Variants in DOK5 observed in about 807,000 individuals in gnomAD.
DOK5 encodes the protein downstream of tyrosine kinase 5.
DOK5 carries 27 observed loss-of-function variants against 43.3 expected under a neutral mutation model. The observed-to-expected ratio is 0.62, with a 90% CI of 0.46 to 0.86. The LOEUF (loss-of-function observed/expected upper bound fraction) is 0.86, where lower values mean the gene tolerates loss of function less well. Ranked by LOEUF, DOK5 falls within the 40% of genes least tolerant of loss-of-function variation. DOK5 has a pLI of 0.00. For missense variants in DOK5, 373 were observed against 392.9 expected (o/e 0.95, Z 0.43); for synonymous variants, 146 against 140.1 (o/e 1.04, Z -0.30).
At chr20:54,605,835 A>G (rs1208949806) in intron 5 of DOK5, among the ~76,000 whole-genome samples, 2 of 152,260 alleles carry the variant, frequency 1.3e-5, no homozygotes, top group East Asian at 3.8e-4. Context: ...ATTCTGGTAA[A>G]GTAATGGAAG....
chr20:54,644,714 A>AAAACC (rs1555839810), intron 7 of DOK5, among the ~76,000 whole-genome samples: 5 of 134,266 alleles, frequency 3.7e-5, no homozygotes. Flanking sequence ...TCAAAAAAAA[A>AAAACC]AAAAAAAAAA....
rs1321685949 is a variant in DOK5 at position 54,573,686 on chromosome 20, CAAAAAAAAAA to C, written c.175-14783_175-14774del. 1.2e-4 allele frequency among the ~76,000 whole-genome samples: 6 copies of C among 50,960 alleles called. No individual in the cohort carries two copies. In the South Asian group the frequency reaches 5.4e-3, roughly 46 times the overall value. The allele number at this position is 50,960 out of a possible 152,430, so 33.4% of individuals were successfully genotyped here. A position where few individuals can be genotyped will look rare whatever the true frequency, so the allele number is the denominator to read the frequency against. ...TGGGTTATAGAGGGAGACTCCATCTCAAAAAAAAAAAAAAAAAAAAAAAGGATAATAACGT... is the reference window on the plus strand; with the variant it reads ...TGGGTTATAGAGGGAGACTCCATCTCAAAAAAAAAAAAAGGATAATAACGT... On this transcript the variant is annotated intron_variant, in intron 2 of 7. Transcript: ENST00000262593.
chr20:54,541,561 G>A (rs974791211), intron 1 of DOK5, among the ~76,000 whole-genome samples: 3 of 151,890 alleles, frequency 2.0e-5, no homozygotes, highest in Non-Finnish European at 2.9e-5. Context: ...TCAGCCTCCC[G>A]AGTAGCTGGG....
At chr20:54,509,891 C>G (rs552511660) in intron 1 of DOK5, among the ~76,000 whole-genome samples, 1 of 149,074 alleles carries the variant, frequency 6.7e-6, no homozygotes, top group East Asian at 2.0e-4. Context: ...AGTTACACTG[C>G]GATCTGGAAA....
chr20:54,575,871 G>T (rs938566199), intron 2 of DOK5, among the ~76,000 whole-genome samples: 1 of 152,160 alleles, frequency 6.6e-6, no homozygotes, highest in African/African-American at 2.4e-5. Flanking sequence ...ATAAAGAGAG[G>T]ATAAATCCAA....
At chr20:54,580,047 G>A (rs913874557) in intron 2 of DOK5, among the ~76,000 whole-genome samples, 14 of 151,972 alleles carry the variant, frequency 9.2e-5, no homozygotes, top group African/African-American at 3.4e-4. Context: ...TTTCTTTCTT[G>A]TGACAGTTTG....
chr20:54,536,410 A>G (rs1238822000), intron 1 of DOK5, among the ~76,000 whole-genome samples: 1 of 152,222 alleles, frequency 6.6e-6, no homozygotes, highest in African/African-American at 2.4e-5. Context: ...AAGTATTTAC[A>G]GGCTTCCACT....
At chr20:54,572,362 C>G (rs1325500483) in intron 2 of DOK5, among the ~76,000 whole-genome samples, 1 of 152,014 alleles carries the variant, frequency 6.6e-6, no homozygotes, top group African/African-American at 2.4e-5. Context: ...CAGGGTTTCA[C>G]CATGTTAGCC....
chr20:54,534,624 G>A (rs1983888975), intron 1 of DOK5, among the ~76,000 whole-genome samples: 1 of 152,198 alleles, frequency 6.6e-6, no homozygotes, highest in African/African-American at 2.4e-5. Flanking sequence ...TTAAGTGAAA[G>A]CATACACGTG....
intron 5 of DOK5, among the ~76,000 whole-genome samples, chr20:54,606,391 G>A (rs1986470373): frequency 6.6e-6 from 1 of 152,088 alleles, no homozygotes; most frequent in South Asian, 2.1e-4. Context: ...AAAATCAATG[G>A]GTAAAGAGAA....
intron 5 of DOK5, among the ~76,000 whole-genome samples, chr20:54,594,108 ATGTAACAAACC>A (rs1986063046): frequency 6.6e-6 from 1 of 152,236 alleles, no homozygotes; most frequent in Non-Finnish European, 1.5e-5. Context: ...AAATTTACCT[ATGTAACAAACC>A]TGTACATCCT....
chr20:54,604,227 T>A, intron 5 of DOK5, among the ~76,000 whole-genome samples: 1 of 151,994 alleles, frequency 6.6e-6, no homozygotes. Flanking sequence ...ATTACAGGCA[T>A]GAGCCACCGC....
intron 2 of DOK5, among the ~76,000 whole-genome samples, chr20:54,584,434 A>G (rs1330609567): frequency 6.6e-6 from 1 of 151,626 alleles, no homozygotes; most frequent in Non-Finnish European, 1.5e-5. Context: ...CTTCAATCAC[A>G]TACAAAAGCT....
intron 6 of DOK5, among the ~76,000 whole-genome samples, chr20:54,628,005 G>C (rs1031564259): frequency 1.3e-5 from 2 of 152,154 alleles, no homozygotes; most frequent in Non-Finnish European, 2.9e-5. Flanking sequence ...TGATACAACG[G>C]TTCACAGTGA....
intron 6 of DOK5, among the ~76,000 whole-genome samples, chr20:54,628,174 G>T (rs1204656352): frequency 8.5e-5 from 13 of 152,090 alleles, no homozygotes; most frequent in Non-Finnish European, 1.9e-4. Context: ...ACAAGAACAA[G>T]TTGTAAGTGA....
At chr20:54,643,630 G>A in intron 7 of DOK5, 52 bp downstream of exon 7, 1 of 1,575,342 alleles carries the variant, frequency 6.3e-7, no homozygotes, top group Non-Finnish European at 8.6e-7. Context: ...TGGGAGTACT[G>A]GGGAGGGGGC....
chr20:54,493,532 A>G (rs914638454), intron 1 of DOK5, among the ~76,000 whole-genome samples: 1 of 152,212 alleles, frequency 6.6e-6, no homozygotes, highest in Non-Finnish European at 1.5e-5. Flanking sequence ...TGTAAATTTA[A>G]TTAAAATTAA....
Position 54,646,248 on chromosome 20 carries a change from G to GTTTTTTTTTTTTTTTTTTTTTTTTT in DOK5, c.856+2694_856+2695insTTTTTTTTTTTTTTTTTTTTTTTTT, listed in dbSNP as rs386394048. Among the ~76,000 whole-genome samples the GTTTTTTTTTTTTTTTTTTTTTTTTT allele has an allele frequency of 5.4e-4, 43 of 79,928 alleles. 5 individuals are homozygous for GTTTTTTTTTTTTTTTTTTTTTTTTT. The highest frequency in any genetic ancestry group is 1.3e-3 in the African/African-American group (24 of 18,992). The allele number at this position is 79,928 out of a possible 152,430, so 52.4% of individuals were successfully genotyped here. A position where few individuals can be genotyped will look rare whatever the true frequency, so the allele number is the denominator to read the frequency against. On this transcript the variant is annotated intron_variant, in intron 7 of 7. Transcript: ENST00000262593. ...TACTGTTATATCCACTGGTTATACT[G>GTTTTTTTTTTTTTTTTTTTTTTTTT]TTTTTTTTTTTTTTTTTTTTTTTTG...
chr20:54,513,447 T>G (rs1219497758), intron 1 of DOK5, among the ~76,000 whole-genome samples: 1 of 144,632 alleles, frequency 6.9e-6, no homozygotes, highest in African/African-American at 2.7e-5. Context: ...GCTTGTTTGC[T>G]TTAAATACTC....
Sources: gnomAD v4.1 joint callset for allele counts (sites outside exome capture counted in the v4.1 genomes callset) on GRCh38, gnomAD v4.1.1 for gene constraint, MANE v1.5 for transcripts, NCBI Gene and HGNC (gene_info 2026-07-23, HGNC 2026-07-21) for gene names.